NOL8: variants seen among roughly 807,000 people sequenced by gnomAD.
NOL8 encodes nucleolar protein 8, also known as nucleolar protein Nop132.
A neutral mutation model predicts 116.1 loss-of-function variants in NOL8; 93 were observed. The ratio of observed to expected loss-of-function variants is 0.80; its 90% CI spans 0.68 to 0.95. The LOEUF is 0.95. NOL8 is among the 40% of genes least tolerant of loss of function. NOL8 has a pLI of 0.00. For synonymous variants in NOL8, 419 were observed against 469.0 expected (o/e 0.89, Z 1.38); for missense variants, 1,291 against 1,382.8 (o/e 0.93, Z 1.05).
At chr9:92,299,066 ATCT>A in intron 14 of NOL8, 112 bp from the exon 15 acceptor site, 1 of 494,760 alleles carries the variant, frequency 2.0e-6, no homozygotes, top group East Asian at 3.3e-5. Context: ...TCTTAAATAT[ATCT>A]TTTTTCATTT....
intron 13 of NOL8, 33 bp from the exon 14 acceptor site, chr9:92,300,049 T>G (rs185611091): frequency 4.6e-4 from 731 of 1,604,530 alleles, no homozygotes; most frequent in Admixed American, 1.0e-3. Context: ...GATGATGGGA[T>G]TGTAACTCCA....
intron 12 of NOL8, among the ~76,000 whole-genome samples, chr9:92,304,693 C>T (rs558545042): frequency 1.3e-5 from 2 of 152,126 alleles, no homozygotes; most frequent in East Asian, 1.9e-4. Context: ...CAGAAAGTAA[C>T]GAAAATAGTA....
rs2134085402 is a variant in NOL8, at chr9:92,301,469, A to C, written c.3175+82T>G. 4.6e-6 allele frequency: 5 copies of C among 1,097,822 alleles called. 1 individual carries two copies. The highest frequency in any genetic ancestry group is 5.9e-4 in the Middle Eastern group (2 of 3,370). The allele number at this position is 1,097,822 out of a possible 1,614,324, so 68.0% of individuals were successfully genotyped here. A position where few individuals can be genotyped will look rare whatever the true frequency, so the allele number is the denominator to read the frequency against. On this transcript the variant is annotated intron_variant, in intron 13 of 16. Transcript: ENST00000442668. ...AAGAGTCCTTTCTTCAGCTAACATG[A>C]AATCTGTTACACTTAATGCAGATTC...
At chr9:92,316,247 T>C (rs545213942) in intron 6 of NOL8, 109 bp from the exon 7 acceptor site, 11 of 1,213,066 alleles carry the variant, frequency 9.1e-6, no homozygotes, top group African/African-American at 6.1e-5. Context: ...CCCCCCCCTT[T>C]CAGTTTCCTG....
Position 92,315,054 on chromosome 9 carries a change from T to C in NOL8, c.1571A>G (p.Lys524Arg), listed in dbSNP as rs556908456. 3.1e-6 allele frequency: 5 copies of C among 1,614,066 alleles called. No homozygotes were observed. In the African/African-American group the frequency reaches 6.7e-5, roughly 22 times the overall value. The part of the protein sequence containing the change: ...TTQCKFDRGS[K>R]SPKTPTGLRR... ...GAGGCCAGTGGGAGTCTTGGGGCTC[T>C]TGGAGCCTCTGTCAAACTTGCATTG... The change falls in exon 7 of 17, where the codon AAG becomes AGG. Residue 524 changes from lysine to arginine, a missense_variant. By Grantham distance (26) the Lys-to-Arg change is conservative. Transcript: ENST00000442668.
intron 4 of NOL8, among the ~76,000 whole-genome samples, chr9:92,321,149 A>G (rs74648823): frequency 1.4e-3 from 211 of 152,338 alleles, no homozygotes; most frequent in African/African-American, 4.6e-3. Flanking sequence ...GTAGTCTACT[A>G]AAATTTAAAT....
chr9:92,304,348 C>T (rs139210836), intron 12 of NOL8, among the ~76,000 whole-genome samples: 28 of 152,254 alleles, frequency 1.8e-4, no homozygotes, highest in Non-Finnish European at 3.8e-4. Context: ...CCTGTTCCAC[C>T]GCTCTATATT....
At chr9:92,308,400 AAAC>A (rs1433528311) in intron 10 of NOL8, among the ~76,000 whole-genome samples, 4 of 152,272 alleles carry the variant, frequency 2.6e-5, no homozygotes, top group South Asian at 2.1e-4. Flanking sequence ...GGAAAGAAAA[AAAC>A]AACAACAGAG....
Position 92,297,879 on chromosome 9 carries a change from C to T in NOL8, c.3461G>A (p.Arg1154Gln), listed in dbSNP as rs200073122. The T allele has an allele frequency of 2.3e-4, 361 of 1,543,358 alleles. No homozygotes were observed. In the African/African-American group the frequency reaches 4.0e-3, roughly 17 times the overall value. Residue 1154 changes from arginine (R) to glutamine (Q), a missense_variant, in exon 17 of 17, where the codon CGA (arginine) becomes CAA (glutamine). Arg to Gln is a conservative substitution (Grantham distance 43). Transcript: ENST00000442668. ...CCTTTTTGCGTCTTTATGTTTCTTT[C>T]GACAATCCTAGGAAAAAAAAAAGAC... Reference protein sequence around the residue: ...ARTTNLRMDCRKKHKDAKRKM... With the variant: ...ARTTNLRMDCQKKHKDAKRKM...
At chr9:92,323,211 G>C (rs1371830260) in intron 3 of NOL8, 1 of 1,195,282 alleles carries the variant, frequency 8.4e-7, no homozygotes, top group Non-Finnish European at 1.1e-6. Flanking sequence ...AAATATTTGA[G>C]AATAGCAGTT....
rs1839193877 is a variant in NOL8 at position 92,314,649 on chromosome 9, A to G, written c.1976T>C (p.Val659Ala). Residue 659 changes from valine to alanine, a missense_variant, in exon 7 of 17, where the codon GTG becomes GCG. Val to Ala is a moderately conservative substitution (Grantham distance 64). Transcript: ENST00000442668. ...TTFESQDRKA[V>A]SPSSSEKRSK... ...TCTCTTTTCAGAACTGCTAGGGGACACTGCCTTGCGATCCTGGCTTTCAAA... is the reference window on the plus strand; with the variant it reads ...TCTCTTTTCAGAACTGCTAGGGGACGCTGCCTTGCGATCCTGGCTTTCAAA... 6.2e-7 allele frequency: 1 copy of G among 1,613,650 alleles called. No individual in the cohort carries two copies. The highest frequency in any genetic ancestry group is 8.5e-7 in the Non-Finnish European group (1 of 1,179,736).
intron 11 of NOL8, 90 bp downstream of exon 11, chr9:92,306,796 C>T (rs1035372420): frequency 7.9e-7 from 1 of 1,272,414 alleles, no homozygotes; most frequent in Non-Finnish European, 1.1e-6. Context: ...CTCCCCAGGC[C>T]ATTAAAAGAG....
At chr9:92,313,606 T>A (rs958252809) in intron 7 of NOL8, among the ~76,000 whole-genome samples, 2 of 152,238 alleles carry the variant, frequency 1.3e-5, no homozygotes, top group Non-Finnish European at 2.9e-5. Flanking sequence ...TCATGCTGTA[T>A]AAGTTTTAAT....
At chr9:92,310,286 A>C in intron 9 of NOL8, 25 bp from the exon 10 acceptor site, 1 of 1,573,908 alleles carries the variant, frequency 6.4e-7, no homozygotes, top group East Asian at 2.3e-5. Flanking sequence ...AACATACATA[A>C]TTGATAGCCA....
At chr9:92,321,183 A>T (rs1488555430) in intron 4 of NOL8, among the ~76,000 whole-genome samples, 1 of 152,128 alleles carries the variant, frequency 6.6e-6, no homozygotes, top group Non-Finnish European at 1.5e-5. Flanking sequence ...AGATTCAGCA[A>T]CTCCATTTTC....
intron 4 of NOL8, chr9:92,320,399 A>G (rs894724486): frequency 6.4e-6 from 2 of 314,742 alleles, no homozygotes; most frequent in African/African-American, 4.3e-5. Context: ...TGAAAGGTAT[A>G]TAACCACCCT....
At chr9:92,318,523 TA>T in intron 6 of NOL8, 94 bp downstream of exon 6, 1 of 894,342 alleles carries the variant, frequency 1.1e-6, no homozygotes, top group Non-Finnish European at 1.7e-6. Flanking sequence ...AACAAACACC[TA>T]AAGATTCACT....
intron 2 of NOL8, 58 bp from the exon 3 acceptor site, chr9:92,323,561 C>A: frequency 7.2e-7 from 1 of 1,397,532 alleles, no homozygotes; most frequent in Non-Finnish European, 9.6e-7. Context: ...ATCCAGAGAG[C>A]AATGTAAAAA....
At chr9:92,316,441 T>C (rs9409665) in intron 6 of NOL8, among the ~76,000 whole-genome samples, 15,050 of 152,246 alleles carry the variant, frequency 0.099, 990 homozygotes, top group South Asian at 0.21. Context: ...CTCAGGGCTA[T>C]TTTCTGTAAA....
Sources: allele counts gnomAD v4.1 joint callset (sites outside exome capture counted in the v4.1 genomes callset), GRCh38; gene constraint gnomAD v4.1.1; transcripts MANE v1.5; gene names NCBI Gene and HGNC (gene_info 2026-07-23, HGNC 2026-07-21).